Variants in EXOC6 observed in about 807,000 individuals in gnomAD.
EXOC6 encodes the protein SEC15-like 1.
In EXOC6, 60 loss-of-function variants were observed where a neutral mutation model predicts 112.5. The ratio of observed to expected loss-of-function variants is 0.53; its 90% confidence interval spans 0.43 to 0.66. The LOEUF (loss-of-function observed/expected upper bound fraction) is 0.66. Among genes scored for constraint, EXOC6 ranks in the 30% least tolerant of loss-of-function variants. EXOC6 has a pLI of 0.00. For synonymous variants in EXOC6, 295 were observed against 308.0 expected, an observed-to-expected ratio of 0.96 and a Z score of 0.44; for missense variants, 855 against 957.1, an observed-to-expected ratio of 0.89 and a Z score of 1.41.
At chr10:92,880,463 G>A (rs1392195566) in intron 1 of EXOC6, among the ~76,000 whole-genome samples, 3 of 151,994 alleles carry the variant, frequency 2.0e-5, no homozygotes, top group African/African-American at 7.3e-5. Flanking sequence ...TTTGGTAAAG[G>A]GTGCCCTCTA....
intron 1 of EXOC6, among the ~76,000 whole-genome samples, chr10:92,839,265 C>G (rs1207599040): frequency 6.6e-6 from 1 of 152,194 alleles, no homozygotes; most frequent in Non-Finnish European, 1.5e-5. Flanking sequence ...TGTAGCCTCT[C>G]CATCTGGTGT....
chr10:92,924,292 T>G (rs1030177099), intron 8 of EXOC6, among the ~76,000 whole-genome samples: 1 of 152,214 alleles, frequency 6.6e-6, no homozygotes, highest in Non-Finnish European at 1.5e-5. Flanking sequence ...TTCGTTAGGA[T>G]GTATCATTTG....
chr10:92,963,015 G>A (rs989713725), intron 17 of EXOC6, among the ~76,000 whole-genome samples: 4 of 152,152 alleles, frequency 2.6e-5, no homozygotes, highest in Non-Finnish European at 5.9e-5. Flanking sequence ...TGGAGCATGG[G>A]TAAGATTTTA....
intron 1 of EXOC6, among the ~76,000 whole-genome samples, chr10:92,857,638 A>C (rs1034936815): frequency 6.6e-6 from 1 of 152,122 alleles, no homozygotes; most frequent in African/African-American, 2.4e-5. Flanking sequence ...CATATATTCT[A>C]TATATATTTT....
intron 20 of EXOC6, among the ~76,000 whole-genome samples, chr10:93,054,389 G>T (rs1846452027): frequency 1.3e-5 from 2 of 152,152 alleles, no homozygotes; most frequent in African/African-American, 4.8e-5. Flanking sequence ...AATTCGTGCA[G>T]ATTTCTACAG....
rs553137315 is a variant in EXOC6 at position 93,005,895 on chromosome 10, C to G, written c.2095+8280C>G. The stretch of plus-strand genomic sequence containing the variant: ...ACTTAACCTGCTGGGCACAATGGCT[C>G]ATGCCTGTAATCCCAGCACTTTGGG... On this transcript the variant is annotated intron_variant, in intron 19 of 21. Transcript: ENST00000260762. Among the ~76,000 whole-genome samples, 25 of 152,288 alleles carry G rather than the reference C, an allele frequency of 1.6e-4. No homozygotes were observed. In the South Asian group the frequency reaches 4.4e-3, roughly 27 times the overall value.
chr10:92,879,167 T>C (rs190497953), intron 1 of EXOC6, among the ~76,000 whole-genome samples: 1 of 152,324 alleles, frequency 6.6e-6, no homozygotes, highest in African/African-American at 2.4e-5. Context: ...AATGTTATTA[T>C]ATAGTTTAGA....
chr10:92,946,291 G>A (rs1049203776), intron 13 of EXOC6, among the ~76,000 whole-genome samples: 13 of 151,890 alleles, frequency 8.6e-5, no homozygotes, highest in South Asian at 2.1e-4. Flanking sequence ...GCTAGACTCC[G>A]TCTCAAAAAA....
intron 7 of EXOC6, among the ~76,000 whole-genome samples, chr10:92,917,156 G>A (rs1288030156): frequency 6.6e-6 from 1 of 151,742 alleles, no homozygotes; most frequent in African/African-American, 2.4e-5. Flanking sequence ...TATTAGAGAC[G>A]GGGTTTCACC....
At chr10:93,030,127 C>T (rs1408556372) in intron 20 of EXOC6, among the ~76,000 whole-genome samples, 2 of 152,110 alleles carry the variant, frequency 1.3e-5, no homozygotes, top group African/African-American at 2.4e-5. Flanking sequence ...AGGCTGGTTT[C>T]GAACTCCCAA....
chr10:92,848,438 G>GCCCCCCCCCC, upstream of EXOC6: 2 of 196,086 alleles, frequency 1.0e-5, no homozygotes, highest in Non-Finnish European at 1.7e-5. Flanking sequence ...CGAGCGCCCC[G>GCCCCCCCCCC]CCCCCGCCCC....
chr10:92,899,203 A>C (rs1204156208), intron 4 of EXOC6, among the ~76,000 whole-genome samples: 2 of 152,156 alleles, frequency 1.3e-5, no homozygotes, highest in Non-Finnish European at 2.9e-5. Context: ...AAATCAGTGA[A>C]TCTCACACTC....
intron 20 of EXOC6, among the ~76,000 whole-genome samples, chr10:93,045,891 G>T (rs572057415): frequency 6.6e-6 from 1 of 152,326 alleles, no homozygotes; most frequent in East Asian, 1.9e-4. Context: ...AACTTTGGTT[G>T]TGAAATATTT....
At chr10:92,902,048 A>G (rs965084669) in intron 5 of EXOC6, among the ~76,000 whole-genome samples, 2 of 151,618 alleles carry the variant, frequency 1.3e-5, no homozygotes, top group Non-Finnish European at 2.9e-5. Flanking sequence ...ACTAAGATGT[A>G]TGTGCTAGGT....
In EXOC6 at chr10:92,840,113, G is replaced by A. The variant is rs562069642; in HGVS notation, c.86+5289G>A. Among the ~76,000 whole-genome samples the A allele has an allele frequency of 3.2e-3, 433 of 135,814 alleles. 2 individuals carry two copies. The highest frequency in any genetic ancestry group is 0.012 in the African/African-American group (415 of 35,684). 89.1% of individuals were successfully genotyped at this position (135,814 alleles called of 152,430 possible). A position where few individuals can be genotyped will look rare whatever the true frequency, so the allele number is the denominator to read the frequency against. On this transcript the variant is annotated intron_variant, in intron 1 of 21. Coordinates refer to the EXOC6 transcript ENST00000371552. ...TAAAGATAACGTGCTTTTAGGAAAG[G>A]AAAGAAAACATTAAAAAAAAAAACC...
chr10:92,881,735 C>T (rs1589755876), intron 1 of EXOC6, among the ~76,000 whole-genome samples: 1 of 152,134 alleles, frequency 6.6e-6, no homozygotes. Flanking sequence ...TTCCCATAAT[C>T]CCCAATAGTC....
intron 20 of EXOC6, among the ~76,000 whole-genome samples, chr10:93,042,952 A>G (rs1169935646): frequency 8.8e-6 from 1 of 113,698 alleles, no homozygotes; most frequent in Non-Finnish European, 1.9e-5. Flanking sequence ...TATTATTATT[A>G]TTATTATTTT....
intron 18 of EXOC6, among the ~76,000 whole-genome samples, chr10:92,995,373 C>T (rs759483603): frequency 6.6e-6 from 1 of 151,350 alleles, no homozygotes; most frequent in Non-Finnish European, 1.5e-5. Flanking sequence ...TAAAACAATA[C>T]CACTTATATT....
chr10:92,890,829 C>G lies in EXOC6; in HGVS notation c.102-2520C>G, dbSNP rs1849465174. 2.0e-5 allele frequency among the ~76,000 whole-genome samples: 3 copies of G among 152,058 alleles called. No homozygotes were observed. In the South Asian group the frequency reaches 6.2e-4, roughly 31 times the overall value. On this transcript the variant is annotated intron_variant, in intron 1 of 21. Transcript: ENST00000260762. ...GTGAGGTCAGTGAGGTAACAAGAGG[C>G]AAAATTATGTAGGGTCTTATGGGCT...
Sources: gnomAD v4.1 joint callset for allele counts (sites outside exome capture counted in the v4.1 genomes callset) on GRCh38, gnomAD v4.1.1 for gene constraint, MANE v1.5 for transcripts, NCBI Gene and HGNC (gene_info 2026-07-23, HGNC 2026-07-21) for gene names.